PIK3C2G: variants seen among roughly 807,000 people sequenced by gnomAD.
The protein encoded by PIK3C2G is phosphatidylinositol-4-phosphate 3-kinase catalytic subunit type 2 gamma, also known as phosphatidylinositol 3-kinase C2 domain-containing subunit gamma.
A neutral mutation model predicts 181.1 loss-of-function variants in PIK3C2G; 168 were observed. The ratio of observed to expected loss-of-function variants is 0.93; its 90% CI spans 0.82 to 1.05. The LOEUF is 1.05. Among genes scored for constraint, PIK3C2G ranks in the 50% least tolerant of loss-of-function variants. PIK3C2G has a pLI of 0.00. For synonymous variants in PIK3C2G, 573 were observed against 592.2 expected (o/e 0.97, Z 0.47); for missense variants, 1,869 against 1,732.8 (o/e 1.08, Z -1.40).
intron 14 of PIK3C2G, among the ~76,000 whole-genome samples, chr12:18,382,196 G>T (rs993649526): frequency 6.6e-6 from 1 of 152,052 alleles, no homozygotes; most frequent in South Asian, 2.1e-4. Context: ...AACAGTCATT[G>T]GTATGTATTA....
At chr12:18,424,830 C>A in intron 18 of PIK3C2G, 1 of 210,304 alleles carries the variant, frequency 4.8e-6, no homozygotes. Context: ...GCAGCTGTAC[C>A]ACATTCTCTA....
chr12:18,593,545 T>A (rs188912642), intron 29 of PIK3C2G, among the ~76,000 whole-genome samples: 17 of 152,044 alleles, frequency 1.1e-4, no homozygotes, highest in African/African-American at 4.1e-4. Context: ...ACAGCTACTA[T>A]GGCATCAGCC....
intron 5 of PIK3C2G, among the ~76,000 whole-genome samples, chr12:18,309,513 T>C (rs1334830136): frequency 6.6e-6 from 1 of 151,838 alleles, no homozygotes; most frequent in African/African-American, 2.4e-5. Context: ...TTGCCTGTAA[T>C]TCTCTCATGT....
intron 29 of PIK3C2G, among the ~76,000 whole-genome samples, chr12:18,587,727 A>G (rs1158888939): frequency 2.6e-5 from 4 of 151,830 alleles, no homozygotes; most frequent in Non-Finnish European, 5.9e-5. Context: ...GAAACCAAAA[A>G]CCAACAACAA....
At chr12:18,428,635 A>G (rs2135745185) in intron 18 of PIK3C2G, among the ~76,000 whole-genome samples, 1 of 152,306 alleles carries the variant, frequency 6.6e-6, no homozygotes, top group South Asian at 2.1e-4. Flanking sequence ...TTGGAATGAA[A>G]ACCATCTTGA....
chr12:18,461,788 A>T (rs1055371059), intron 18 of PIK3C2G, among the ~76,000 whole-genome samples: 1 of 152,168 alleles, frequency 6.6e-6, no homozygotes, highest in Non-Finnish European at 1.5e-5. Context: ...TTGACCTTGG[A>T]CTCCACAGAC....
chr12:18,304,919 C>T (rs1327005876), intron 5 of PIK3C2G, among the ~76,000 whole-genome samples: 1 of 152,106 alleles, frequency 6.6e-6, no homozygotes, highest in African/African-American at 2.4e-5. Flanking sequence ...AACTCTACTC[C>T]TCCACTTATA....
chr12:18,386,606 C>G (rs12581347), intron 14 of PIK3C2G, among the ~76,000 whole-genome samples: 23,221 of 152,004 alleles, frequency 0.15, 2,230 homozygotes, highest in East Asian at 0.38. Context: ...AGGTGGTAGC[C>G]CCGATTGGGA....
At chr12:18,404,441 C>G (rs1385124763) in intron 16 of PIK3C2G, among the ~76,000 whole-genome samples, 1 of 152,092 alleles carries the variant, frequency 6.6e-6, no homozygotes, top group Non-Finnish European at 1.5e-5. Context: ...CTAGAGGTTA[C>G]CAGGCAATGT....
downstream of PIK3C2G, among the ~76,000 whole-genome samples, chr12:18,652,943 GAGAGAA>G (rs1414295194): frequency 6.6e-6 from 1 of 151,536 alleles, no homozygotes; most frequent in African/African-American, 2.4e-5. Flanking sequence ...CAGAGAGAGA[GAGAGAA>G]AGAGAGAGAC....
In PIK3C2G at chr12:18,648,034, G is replaced by A; in HGVS notation, c.*6G>A. 1.3e-6 allele frequency: 2 copies of A among 1,565,896 alleles called. No individual in the cohort carries two copies. Among genetic ancestry groups the A allele is most frequent in the Non-Finnish European group, 1.7e-6 (2 of 1,151,642 alleles). On this transcript the variant is annotated 3_prime_UTR_variant, in exon 33 of 33. Transcript: ENST00000538779. Reference sequence around the variant, plus strand: ...TAGGAAACAGTATAATTTGACCATTGCTATGAACATATGCATTATTCATTA... The same window carrying A: ...TAGGAAACAGTATAATTTGACCATTACTATGAACATATGCATTATTCATTA...
chr12:18,261,215 T>G (rs949227026), upstream of PIK3C2G, among the ~76,000 whole-genome samples: 1 of 152,096 alleles, frequency 6.6e-6, no homozygotes, highest in African/African-American at 2.4e-5. Context: ...AGCTGTAATT[T>G]GAGGGGAAAT....
chr12:18,547,539 G>C (rs1221716306), intron 26 of PIK3C2G, among the ~76,000 whole-genome samples: 1 of 151,980 alleles, frequency 6.6e-6, no homozygotes, highest in African/African-American at 2.4e-5. Context: ...ACAATTAGTA[G>C]AAGTAGCAAG....
intron 29 of PIK3C2G, 37 bp from the exon 30 acceptor site, chr12:18,594,457 G>T: frequency 7.7e-7 from 1 of 1,296,384 alleles, no homozygotes; most frequent in Non-Finnish European, 1.1e-6. Context: ...ACAAATATAA[G>T]AAATAAAGAA....
At chr12:18,559,311 C>G (rs889650934) in intron 26 of PIK3C2G, among the ~76,000 whole-genome samples, 1 of 152,032 alleles carries the variant, frequency 6.6e-6, no homozygotes, top group East Asian at 1.9e-4. Flanking sequence ...AACTAGGCAA[C>G]AAGGTATACC....
chr12:18,689,124 T>C, the PIK3C2G span, among the ~76,000 whole-genome samples: 1 of 152,108 alleles, frequency 6.6e-6, no homozygotes, highest in Non-Finnish European at 1.5e-5. Context: ...GGCATCAGCA[T>C]AATTAGACAT....
At chr12:18,709,699 TAACAATACCAC>T in the PIK3C2G span, among the ~76,000 whole-genome samples, 1 of 151,976 alleles carries the variant, frequency 6.6e-6, no homozygotes, top group Admixed American at 6.6e-5. Flanking sequence ...CTCGACAACA[TAACAATACCAC>T]ACCCCAAGGG....
At chr12:18,355,557 G>C (rs1339440260) in intron 11 of PIK3C2G, among the ~76,000 whole-genome samples, 1 of 152,136 alleles carries the variant, frequency 6.6e-6, no homozygotes, top group Admixed American at 6.5e-5. Flanking sequence ...GCACTGGCCA[G>C]CCGGCTGCAC....
chr12:18,677,692 A>G, the PIK3C2G span, among the ~76,000 whole-genome samples: 9 of 152,260 alleles, frequency 5.9e-5, no homozygotes, highest in South Asian at 6.2e-4. Context: ...AAAAGACATC[A>G]GTATTTTTAA....
Sources: gnomAD v4.1 joint callset for allele counts (sites outside exome capture counted in the v4.1 genomes callset) on GRCh38, gnomAD v4.1.1 for gene constraint, MANE v1.5 for transcripts, NCBI Gene and HGNC (gene_info 2026-07-23, HGNC 2026-07-21) for gene names.